Variants in LSS observed in about 807,000 individuals in gnomAD.
LSS encodes the protein lanosterol synthase, also known as 2,3-epoxysqualene-lanosterol cyclase.
In LSS, 90 loss-of-function variants were observed where a neutral mutation model predicts 110.3. The ratio of observed to expected loss-of-function variants is 0.82; its 90% confidence interval spans 0.69 to 0.97. LSS has a LOEUF of 0.97. LSS is among the 50% of genes least tolerant of loss of function. LSS has a pLI of 0.00. For missense variants in LSS, 927 were observed against 990.0 expected (o/e 0.94, Z 0.85); for synonymous variants, 433 against 400.0 (o/e 1.08, Z -0.98).
intron 20 of LSS, chr21:46,192,463 A>G (rs1309361138): frequency 1.3e-5 from 6 of 453,868 alleles, no homozygotes; most frequent in Non-Finnish European, 2.6e-5. Context: ...AAGATTCCCC[A>G]AATGGCCACA....
intron 11 of LSS, among the ~76,000 whole-genome samples, chr21:46,211,179 T>TGCA (rs1469816031): frequency 6.6e-6 from 1 of 152,034 alleles, no homozygotes; most frequent in African/African-American, 2.4e-5. Flanking sequence ...CAGGCTGGAG[T>TGCA]GCAGTGGCGT....
chr21:46,205,493 AC>A (rs2080034874), intron 17 of LSS, among the ~76,000 whole-genome samples: 1 of 152,188 alleles, frequency 6.6e-6, no homozygotes, highest in South Asian at 2.1e-4. Context: ...AAGAAGACCA[AC>A]CTGTACACTT....
At chr21:46,203,868 C>A (rs531566550) in intron 17 of LSS, among the ~76,000 whole-genome samples, 1 of 152,332 alleles carries the variant, frequency 6.6e-6, no homozygotes, top group East Asian at 1.9e-4. Flanking sequence ...ATCTGTGCTA[C>A]CACAGCAAGC....
intron 5 of LSS, among the ~76,000 whole-genome samples, chr21:46,219,900 C>T (rs1015908801): frequency 1.3e-4 from 20 of 152,218 alleles, no homozygotes; most frequent in African/African-American, 4.1e-4. Context: ...CCTCAGTGCT[C>T]AGGTGAGCGA....
In LSS at chr21:46,189,679, CT is replaced by C. The variant is rs1569011750; in HGVS notation, c.*1424del. ...GAGGGTGTCCAGACGCAGATCTCCA[CT>C]GCCTGAGGGAGAGTGATCAGCCAGG... On this transcript the variant is annotated 3_prime_UTR_variant, in exon 22 of 22. Transcript: ENST00000397728. The C allele has an allele frequency of 2.2e-6, 1 of 456,580 alleles. No individual in the cohort carries two copies. Among genetic ancestry groups the C allele is most frequent in the East Asian group, 6.9e-5 (1 of 14,400 alleles). The allele number at this position is 456,580 out of a possible 1,614,324, so 28.3% of individuals were successfully genotyped here.
At chr21:46,191,357 A>G (rs1250147040) in intron 21 of LSS, 122 bp from the exon 22 acceptor site, 2 of 1,060,444 alleles carry the variant, frequency 1.9e-6, no homozygotes, top group South Asian at 1.4e-5. Flanking sequence ...GAAAGGGCTA[A>G]TTAAGCAAGA....
At chr21:46,191,266 G>T (rs202222731) in intron 21 of LSS, 31 bp from the exon 22 acceptor site, 1 of 1,613,250 alleles carries the variant, frequency 6.2e-7, no homozygotes, top group South Asian at 1.1e-5. Flanking sequence ...AAACACAAAG[G>T]CTTCACCAGT....
At chr21:46,223,681 G>A (rs897813962) in intron 3 of LSS, among the ~76,000 whole-genome samples, 2 of 152,100 alleles carry the variant, frequency 1.3e-5, no homozygotes, top group African/African-American at 2.4e-5. Context: ...AATAATCCTC[G>A]CTCTACAATC....
intron 4 of LSS, 141 bp from the exon 5 acceptor site, chr21:46,222,116 C>G (rs2080286682): frequency 7.4e-6 from 6 of 810,566 alleles, no homozygotes. Context: ...CACAGGAGAC[C>G]CCTGAGCAGC....
Position 46,191,144 on chromosome 21 carries a change from G to C in LSS, c.2159C>G (p.Ser720Cys). ...IFPIWALGRFSQLYPERALAG... is the reference protein window; with the variant it reads ...IFPIWALGRFCQLYPERALAG... ...AAGGGCTCTCTCAGGGTACAGCTGG[G>C]AGAAGCGGCCGAGGGCCCAGATGGG... The change falls in exon 22 of 22, where the codon TCC becomes TGC. Residue 720 changes from serine to cysteine, a missense_variant. By Grantham distance (112) the Ser-to-Cys change is moderately radical. Transcript: ENST00000397728. 1 of 1,614,042 alleles carries C rather than the reference G, an allele frequency of 6.2e-7. No individual in the cohort carries two copies. Among genetic ancestry groups the C allele is most frequent in the Non-Finnish European group, 8.5e-7 (1 of 1,179,866 alleles).
In LSS at chr21:46,227,552, C is replaced by A. The variant is rs767984763; in HGVS notation, c.319G>T (p.Gly107Cys). 72 of 1,613,884 alleles carry A rather than the reference C, an allele frequency of 4.5e-5. No individual in the cohort carries two copies. Among genetic ancestry groups the A allele is most frequent in the Non-Finnish European group, 8.5e-6 (10 of 1,180,000 alleles). The change falls in exon 3 of 22, where the codon GGC (glycine) becomes TGC (cysteine). Residue 107 changes from glycine to cysteine, a missense_variant and splice_region_variant. By Grantham distance (159) the Gly-to-Cys change is radical. Coordinates refer to ENST00000397728, the MANE Select transcript of LSS (RefSeq NM_002340.6). ...TCAGGCTGGGGCAGCATACTCCTAC[C>A]TGGCAGGAGGAAAAGTGGGCCACCA... ...DYGGPLFLLP[G>C]LLITCHVARI... is the part of the protein sequence containing the mutation.
intron 14 of LSS, 35 bp downstream of exon 14, chr21:46,208,216 G>C (rs750162176): frequency 1.4e-5 from 21 of 1,548,950 alleles, no homozygotes; most frequent in Middle Eastern, 3.3e-4. Context: ...CCTCCCCTGG[G>C]GGACGGGACA....
At position 46,209,226 on chromosome 21, in the gene LSS, G is replaced by A. The variant is rs2080094469; in HGVS notation, c.1266+328C>T. Among the ~76,000 whole-genome samples, 1 of 152,134 alleles carries A rather than the reference G, an allele frequency of 6.6e-6. No individual in the cohort carries two copies. Among genetic ancestry groups the A allele is most frequent in the Non-Finnish European group, 1.5e-5 (1 of 68,000 alleles). Reference sequence around the variant, plus strand: ...CAGAAGGTGCTTCAGAGACATGGAGGTGCCGTGTAGGCTGTGCAGCTCAGG... The same window carrying A: ...CAGAAGGTGCTTCAGAGACATGGAGATGCCGTGTAGGCTGTGCAGCTCAGG... On this transcript the variant is annotated intron_variant, in intron 13 of 21. Transcript: ENST00000397728. This position sits in a 1 kb window ranked among gnomAD's most constrained non-coding sequence, Gnocchi z 4.4.
At chr21:46,208,416 G>A in intron 13 of LSS, 115 bp from the exon 14 acceptor site, 1 of 948,918 alleles carries the variant, frequency 1.1e-6, no homozygotes, top group Middle Eastern at 2.1e-4. Context: ...ACGTGCCTGG[G>A]AGCTTACTCT....
At position 46,191,116 on chromosome 21, in the gene LSS, A is replaced by T; in HGVS notation, c.2187T>A (p.Ala729=). The change falls in exon 22 of 22, where the codon GCT becomes GCA. Residue 729 remains alanine (A), a synonymous_variant. Transcript: ENST00000397728. ...FSQLYPERAL[A]GHP ...GGTAGGCATGTTCTCAGGGGTGGCCAGCAAGGGCTCTCTCAGGGTACAGCT... is the reference window on the plus strand; with the variant it reads ...GGTAGGCATGTTCTCAGGGGTGGCCTGCAAGGGCTCTCTCAGGGTACAGCT... 1 of 1,614,156 alleles carries T rather than the reference A, an allele frequency of 6.2e-7. No individual in the cohort carries two copies. Among genetic ancestry groups the T allele is most frequent in the Non-Finnish European group, 8.5e-7 (1 of 1,180,016 alleles).
At chr21:46,228,306 G>A in intron 2 of LSS, 128 bp downstream of exon 2, 2 of 1,074,510 alleles carry the variant, frequency 1.9e-6, no homozygotes, top group South Asian at 3.2e-5. Flanking sequence ...CAGTTCCCGT[G>A]GGCGCTCGCC....
chr21:46,213,614 T>A, intron 10 of LSS, 124 bp downstream of exon 10: 1 of 738,916 alleles, frequency 1.4e-6, no homozygotes. Flanking sequence ...CACTGCTGGT[T>A]CCTGGAGGTA....
intron 9 of LSS, among the ~76,000 whole-genome samples, chr21:46,214,169 G>C (rs1295460746): frequency 6.6e-6 from 1 of 152,244 alleles, no homozygotes; most frequent in Non-Finnish European, 1.5e-5. Flanking sequence ...AGACAACACA[G>C]GGGACAGAGG....
Position 46,207,603 on chromosome 21 carries a change from G to A in LSS, c.1318-26C>T, listed in dbSNP as rs1242530127. ...CTGCAGAGCACAAGCCATGACTCCAGGCTGGGGGTGTCCACACCCCAGTTC... is the reference window on the plus strand; with the variant it reads ...CTGCAGAGCACAAGCCATGACTCCAAGCTGGGGGTGTCCACACCCCAGTTC... On this transcript the variant is annotated intron_variant, in intron 14 of 21. Coordinates refer to ENST00000397728, the MANE Select transcript of LSS (RefSeq NM_002340.6). 5 of 1,601,418 alleles carry A rather than the reference G, an allele frequency of 3.1e-6. No homozygotes were observed. In the Admixed American group the frequency reaches 5.1e-5, roughly 16 times the overall value.
Sources: allele counts gnomAD v4.1 joint callset (sites outside exome capture counted in the v4.1 genomes callset), GRCh38; gene constraint gnomAD v4.1.1; non-coding constraint Gnocchi (gnomAD v3.1); transcripts MANE v1.5; gene names NCBI Gene and HGNC (gene_info 2026-07-23, HGNC 2026-07-21).